TTC7B: variants seen among roughly 807,000 people sequenced by gnomAD.
TTC7B encodes the protein tetratricopeptide repeat protein 7B.
In TTC7B, 28 loss-of-function variants were observed where a neutral mutation model predicts 106.8. The ratio of observed to expected loss-of-function variants is 0.26; its 90% CI spans 0.19 to 0.36. The LOEUF (loss-of-function observed/expected upper bound fraction) is 0.36. TTC7B is among the 10% of genes least tolerant of loss of function. The pLI is 1.00. For missense variants in TTC7B, 862 were observed against 1,076.4 expected (o/e 0.80, Z 2.79); for synonymous variants, 405 against 430.6 (o/e 0.94, Z 0.74).
Position 90,564,903 on chromosome 14 carries a change from C to T in TTC7B, c.2310+13203G>A, listed in dbSNP as rs114050456. Among the ~76,000 whole-genome samples the T allele has an allele frequency of 2.3e-3, 349 of 152,204 alleles. 1 individual carries two copies. Among genetic ancestry groups the T allele is most frequent in the African/African-American group, 7.4e-3 (309 of 41,524 alleles). On this transcript the variant is annotated intron_variant, in intron 19 of 19. Coordinates refer to ENST00000328459, the MANE Select transcript of TTC7B (RefSeq NM_001010854.2). Reference sequence around the variant, plus strand: ...TCCAGCTTGGGAGGCAGAGTGAGACCTCAAAAAATAAATAAATAAAAATAA... The same window carrying T: ...TCCAGCTTGGGAGGCAGAGTGAGACTTCAAAAAATAAATAAATAAAAATAA...
chr14:90,640,449 AATAC>A (rs1333105655), intron 15 of TTC7B, among the ~76,000 whole-genome samples: 1 of 152,202 alleles, frequency 6.6e-6, no homozygotes, highest in African/African-American at 2.4e-5. Context: ...ATACCTAGGA[AATAC>A]ATACACATGT....
chr14:90,658,856 G>A (rs1353811087), intron 9 of TTC7B, among the ~76,000 whole-genome samples: 1 of 152,176 alleles, frequency 6.6e-6, no homozygotes, highest in Admixed American at 6.5e-5. Context: ...CTCAGTACTG[G>A]TGCATTGCCT....
chr14:90,794,211 CTT>C lies in TTC7B; in HGVS notation c.122-7885_122-7884del, dbSNP rs1186061223. Among the ~76,000 whole-genome samples the C allele has an allele frequency of 1.1e-3, 49 of 45,124 alleles. 3 individuals are homozygous for C. The highest frequency in any genetic ancestry group is 1.6e-3 in the African/African-American group (22 of 14,102). 29.6% of individuals were successfully genotyped at this position (45,124 alleles called of 152,430 possible). A position where few individuals can be genotyped will look rare whatever the true frequency, so the allele number is the denominator to read the frequency against. On this transcript the variant is annotated intron_variant, in intron 1 of 19. Coordinates refer to ENST00000328459, the MANE Select transcript of TTC7B (RefSeq NM_001010854.2). ...AGCCACTGCACCTGGCTGGGTATTT[CTT>C]TTTTTTTTTTTTTTTTTTTTTTTTG...
At chr14:90,541,774 C>G (rs1218164332) in intron 19 of TTC7B, among the ~76,000 whole-genome samples, 185 bp from the exon 20 acceptor site, 1 of 152,196 alleles carries the variant, frequency 6.6e-6, no homozygotes, top group African/African-American at 2.4e-5. Flanking sequence ...AGTCGCCAAG[C>G]TGACTAATAT....
At chr14:90,781,962 C>A (rs1359514457) in intron 2 of TTC7B, among the ~76,000 whole-genome samples, 1 of 152,238 alleles carries the variant, frequency 6.6e-6, no homozygotes, top group Non-Finnish European at 1.5e-5. Flanking sequence ...TGTGGCCAGA[C>A]CTTCTCCTCA....
chr14:90,712,296 A>G (rs1383932302), intron 5 of TTC7B, among the ~76,000 whole-genome samples: 2 of 152,204 alleles, frequency 1.3e-5, no homozygotes, highest in Non-Finnish European at 2.9e-5. Flanking sequence ...CGACAATGCA[A>G]TAAGGCAATA....
At chr14:90,771,993 T>G (rs1393131383) in intron 3 of TTC7B, among the ~76,000 whole-genome samples, 2 of 146,550 alleles carry the variant, frequency 1.4e-5, no homozygotes, top group South Asian at 2.1e-4. Flanking sequence ...TATATATTTA[T>G]AATATATATA....
chr14:90,814,163 G>A (rs1175464602), intron 1 of TTC7B, among the ~76,000 whole-genome samples: 1 of 151,954 alleles, frequency 6.6e-6, no homozygotes, highest in African/African-American at 2.4e-5. Context: ...CGCAAACCCC[G>A]ATCCCCAAGC....
At chr14:90,593,419 C>T (rs771506284) in intron 18 of TTC7B, 67 bp downstream of exon 18, 248 of 1,488,274 alleles carry the variant, frequency 1.7e-4, no homozygotes, top group Non-Finnish European at 2.1e-4. Context: ...GGCACAGCAG[C>T]GGGTTGTGGG....
intron 6 of TTC7B, among the ~76,000 whole-genome samples, 194 bp from the exon 7 acceptor site, chr14:90,689,906 G>A (rs1887403660): frequency 6.6e-6 from 1 of 152,168 alleles, no homozygotes; most frequent in South Asian, 2.1e-4. Flanking sequence ...GATTCACTAA[G>A]ATGTTTGAAC....
intron 1 of TTC7B, among the ~76,000 whole-genome samples, chr14:90,794,211 CTTTTTTTTTTTTTT>C (rs1186061223): frequency 4.4e-5 from 2 of 45,096 alleles, no homozygotes; most frequent in African/African-American, 1.4e-4. Context: ...CTGGGTATTT[CTTTTTTTTTTTTTT>C]TTTTTTTTTT....
chr14:90,666,956 A>C lies in TTC7B; in HGVS notation c.1153-8569T>G, dbSNP rs181190493. ...AAGGGGTCTCCGGGGTCCTACTCAA[A>C]TACTACTCCATCTGCTGCTTTGCCA... is the stretch of plus-strand genomic sequence containing the variant. On this transcript the variant is annotated intron_variant, in intron 9 of 19. Transcript: ENST00000328459. 2.5e-3 allele frequency among the ~76,000 whole-genome samples: 379 copies of C among 152,356 alleles called. 1 individual carries two copies. The highest frequency in any genetic ancestry group is 4.7e-3 in the Non-Finnish European group (321 of 68,030).
At chr14:90,677,630 C>T (rs1397373238) in intron 8 of TTC7B, among the ~76,000 whole-genome samples, 3 of 152,076 alleles carry the variant, frequency 2.0e-5, no homozygotes, top group Non-Finnish European at 2.9e-5. Flanking sequence ...AGAGAAAGGC[C>T]CCCCCAGTCT....
At chr14:90,651,725 G>A (rs1328356086) in intron 13 of TTC7B, among the ~76,000 whole-genome samples, 1 of 152,222 alleles carries the variant, frequency 6.6e-6, no homozygotes, top group Non-Finnish European at 1.5e-5. Context: ...TACCCAGACT[G>A]GGGCTGGCAA....
intron 19 of TTC7B, among the ~76,000 whole-genome samples, chr14:90,562,315 A>G (rs1890628421): frequency 6.6e-6 from 1 of 152,054 alleles, no homozygotes; most frequent in Admixed American, 6.5e-5. Flanking sequence ...TCAGCCTCAA[A>G]CCCTCTGGTT....
chr14:90,679,783 T>C (rs1040163308), intron 8 of TTC7B, among the ~76,000 whole-genome samples: 1 of 152,228 alleles, frequency 6.6e-6, no homozygotes, highest in Non-Finnish European at 1.5e-5. Context: ...TAGTGATAGA[T>C]ACACAGGGCA....
At chr14:90,794,207 A>ACTTTTTTTTTTTTTTTTT (rs1566891563) in intron 1 of TTC7B, among the ~76,000 whole-genome samples, 1 of 130,618 alleles carries the variant, frequency 7.7e-6, no homozygotes. Flanking sequence ...CTGGCTGGGT[A>ACTTTTTTTTTTTTTTTTT]TTTCTTTTTT....
intron 9 of TTC7B, among the ~76,000 whole-genome samples, chr14:90,675,497 G>GCTCAGCTTCCTCATTTAC (rs1195534270): frequency 1.3e-5 from 2 of 152,156 alleles, no homozygotes; most frequent in Admixed American, 1.3e-4. Flanking sequence ...GCCGCATGTG[G>GCTCAGCTTCCTCATTTAC]TGGGGGCATC....
chr14:90,617,470 T>A (rs1247069840), intron 16 of TTC7B, among the ~76,000 whole-genome samples: 1 of 152,222 alleles, frequency 6.6e-6, no homozygotes, highest in East Asian at 1.9e-4. Context: ...TTTTAACTTT[T>A]TCACAGTGAT....
Sources: allele counts gnomAD v4.1 joint callset (sites outside exome capture counted in the v4.1 genomes callset), GRCh38; gene constraint gnomAD v4.1.1; transcripts MANE v1.5; gene names NCBI Gene and HGNC (gene_info 2026-07-23, HGNC 2026-07-21).